The following PHLPP1 variants were observed in gnomAD, a reference collection of about 807,000 sequenced individuals.
PHLPP1 encodes the protein PH domain and leucine rich repeat protein phosphatase 1, also known as PH domain leucine-rich repeat-containing protein phosphatase 1.
PHLPP1 carries 42 observed loss-of-function variants against 117.2 expected under a neutral mutation model. The observed-to-expected ratio is 0.36, with a 90% confidence interval of 0.28 to 0.46. The LOEUF is 0.46. PHLPP1 is among the 20% of genes least tolerant of loss of function. The pLI is 1.00. For synonymous variants in PHLPP1, 1,042 were observed against 970.7 expected, an observed-to-expected ratio of 1.07 and a Z score of -1.37; for missense variants, 2,084 against 2,241.9, an observed-to-expected ratio of 0.93 and a Z score of 1.42.
chr18:62,791,640 A>G (rs949623937), intron 1 of PHLPP1, among the ~76,000 whole-genome samples: 1 of 152,208 alleles, frequency 6.6e-6, no homozygotes, highest in Non-Finnish European at 1.5e-5. Context: ...CTCTAAATTT[A>G]TTAGCTGAGC....
chr18:62,851,557 T>C (rs552232600), intron 3 of PHLPP1, among the ~76,000 whole-genome samples: 5 of 152,240 alleles, frequency 3.3e-5, no homozygotes, highest in African/African-American at 1.2e-4. Context: ...GCCTCCCGGA[T>C]TCAAGAGATT....
rs187056112 is a variant in PHLPP1 at position 62,854,545 on chromosome 18, T to C, written c.1900-5890T>C. On this transcript the variant is annotated intron_variant, in intron 3 of 16. Coordinates refer to ENST00000262719, the MANE Select transcript of PHLPP1 (RefSeq NM_194449.4). ...TCTTCATTTCTAAGGCTTAAACATA[T>C]CCTGAGGAGTACATCTAATTTTCTT... 2.0e-3 allele frequency among the ~76,000 whole-genome samples: 304 copies of C among 152,304 alleles called. 1 individual carries two copies. In the Middle Eastern group the frequency reaches 0.02, roughly 10 times the overall value.
chr18:62,915,956 T>G (rs1909257956), intron 9 of PHLPP1, among the ~76,000 whole-genome samples: 1 of 152,214 alleles, frequency 6.6e-6, no homozygotes, highest in Admixed American at 6.5e-5. Context: ...AGTCAGTTAT[T>G]TTTAGCTATG....
intron 1 of PHLPP1, among the ~76,000 whole-genome samples, chr18:62,803,382 T>C (rs1913841739): frequency 6.6e-6 from 1 of 152,124 alleles, no homozygotes; most frequent in Non-Finnish European, 1.5e-5. Flanking sequence ...AGTTATTACC[T>C]ACCCACTCCA....
At chr18:62,762,583 T>C (rs2144251233) in intron 1 of PHLPP1, among the ~76,000 whole-genome samples, 1 of 151,640 alleles carries the variant, frequency 6.6e-6, no homozygotes, top group African/African-American at 2.4e-5. Context: ...CCAGCTAATT[T>C]TTGCATTTTT....
At chr18:62,835,380 T>G (rs1914864870) in intron 2 of PHLPP1, among the ~76,000 whole-genome samples, 1 of 151,938 alleles carries the variant, frequency 6.6e-6, no homozygotes, top group African/African-American at 2.4e-5. Flanking sequence ...ATTTTTGTAT[T>G]TTTAGTAGAG....
At chr18:62,959,967 T>C (rs181985120) in intron 13 of PHLPP1, among the ~76,000 whole-genome samples, 1 of 152,318 alleles carries the variant, frequency 6.6e-6, no homozygotes, top group East Asian at 1.9e-4. Flanking sequence ...CCCCTCCATC[T>C]GTCCACACCT....
chr18:62,855,073 G>C (rs1262902498), intron 3 of PHLPP1, among the ~76,000 whole-genome samples: 1 of 152,106 alleles, frequency 6.6e-6, no homozygotes, highest in Non-Finnish European at 1.5e-5. Flanking sequence ...CTTTGAAACA[G>C]GGGTAAGTTC....
chr18:62,914,872 A>C (rs1909220091), intron 8 of PHLPP1, 41 bp from the exon 9 acceptor site: 2 of 1,414,670 alleles, frequency 1.4e-6, no homozygotes, highest in East Asian at 4.6e-5. Context: ...ACCACATTTG[A>C]GGACAAATTC....
chr18:62,860,579 A>T lies in PHLPP1; in HGVS notation c.2044A>T (p.Arg682Trp). 6.2e-7 allele frequency: 1 copy of T among 1,612,984 alleles called. No individual in the cohort carries two copies. The highest frequency in any genetic ancestry group is 8.5e-7 in the Non-Finnish European group (1 of 1,179,470). The change falls in exon 4 of 17, where the codon AGG becomes TGG. Residue 682 changes from arginine (R) to tryptophan (W), a missense_variant. Coordinates refer to ENST00000262719, the MANE Select transcript of PHLPP1 (RefSeq NM_194449.4). ...GCAGAACCCTAGCCTTCCAGCTGCCAGGGGGCTTAATGAACTGCAAAGGTA... is the reference window on the plus strand; with the variant it reads ...GCAGAACCCTAGCCTTCCAGCTGCCTGGGGGCTTAATGAACTGCAAAGGTA... Reference protein sequence around the residue: ...LRQNPSLPAARGLNELQRFTK... With the variant: ...LRQNPSLPAAWGLNELQRFTK...
chr18:62,753,384 A>G (rs1338990106), intron 1 of PHLPP1, among the ~76,000 whole-genome samples: 1 of 152,176 alleles, frequency 6.6e-6, no homozygotes, highest in African/African-American at 2.4e-5. Context: ...TTATATATAG[A>G]GTTTGATTAG....
At chr18:62,948,156 C>T (rs1440994606) in intron 12 of PHLPP1, among the ~76,000 whole-genome samples, 2 of 151,990 alleles carry the variant, frequency 1.3e-5, no homozygotes, top group African/African-American at 4.8e-5. Context: ...GAAACACTGT[C>T]TCTACTAAAA....
chr18:62,867,181 C>T (rs1915790941), intron 4 of PHLPP1, among the ~76,000 whole-genome samples: 1 of 152,152 alleles, frequency 6.6e-6, no homozygotes, highest in Non-Finnish European at 1.5e-5. Flanking sequence ...AGTCCTGCTC[C>T]CTAGACAACC....
chr18:62,975,921 C>T (rs1273207269), intron 16 of PHLPP1, among the ~76,000 whole-genome samples: 2 of 152,220 alleles, frequency 1.3e-5, no homozygotes, highest in Non-Finnish European at 2.9e-5. Context: ...CTACCCCTGA[C>T]ATCACACTGC....
intron 1 of PHLPP1, 67 bp downstream of exon 1, chr18:62,717,326 T>C: frequency 1.3e-6 from 2 of 1,511,786 alleles, no homozygotes; most frequent in Non-Finnish European, 1.8e-6. Flanking sequence ...TGATTCAAAT[T>C]GCTTGTCAGT....
intron 4 of PHLPP1, among the ~76,000 whole-genome samples, chr18:62,882,135 G>C (rs1029774572): frequency 7.9e-5 from 12 of 152,128 alleles, no homozygotes; most frequent in African/African-American, 2.9e-4. Flanking sequence ...ATTGGGACAA[G>C]AATATTAACA....
At chr18:62,928,160 G>A (rs1909699833) in intron 10 of PHLPP1, among the ~76,000 whole-genome samples, 1 of 152,000 alleles carries the variant, frequency 6.6e-6, no homozygotes, top group Admixed American at 6.6e-5. Context: ...AAACATGTAA[G>A]CACCAAAAAC....
At chr18:62,938,629 T>G (rs940759571) in intron 10 of PHLPP1, among the ~76,000 whole-genome samples, 4 of 152,340 alleles carry the variant, frequency 2.6e-5, no homozygotes, top group African/African-American at 9.6e-5. Context: ...TGGAACCACT[T>G]CATGTGGTTT....
chr18:62,756,508 T>C (rs143179816), intron 1 of PHLPP1, among the ~76,000 whole-genome samples: 25 of 152,350 alleles, frequency 1.6e-4, no homozygotes, highest in Non-Finnish European at 8.8e-5. Context: ...ATATGTGGTA[T>C]GATGAGGAAC....
Sources: allele counts gnomAD v4.1 joint callset (sites outside exome capture counted in the v4.1 genomes callset), GRCh38; gene constraint gnomAD v4.1.1; transcripts MANE v1.5; gene names NCBI Gene and HGNC (gene_info 2026-07-23, HGNC 2026-07-21).